Variants in ABR observed in about 807,000 individuals in gnomAD.
ABR encodes ABR activator of RhoGEF and GTPase, also known as active breakpoint cluster region-related protein.
In ABR, 35 loss-of-function variants were observed where a neutral mutation model predicts 107.2. The observed-to-expected ratio is 0.33, with a 90% CI of 0.25 to 0.43. The LOEUF (loss-of-function observed/expected upper bound fraction) is 0.43, where lower values mean the gene tolerates loss of function less well. Ranked by LOEUF, ABR falls within the 20% of genes least tolerant of loss-of-function variation. The pLI, the probability that ABR is intolerant of heterozygous loss-of-function variation, is 1.00. For missense variants in ABR, 815 were observed against 1,115.2 expected, an observed-to-expected ratio of 0.73 and a Z score of 3.83; for synonymous variants, 498 against 462.0, an observed-to-expected ratio of 1.08 and a Z score of -1.00.
At chr17:1,087,583 T>G (rs1419894477) in intron 4 of ABR, among the ~76,000 whole-genome samples, 1 of 136,572 alleles carries the variant, frequency 7.3e-6, no homozygotes, top group African/African-American at 2.8e-5. Flanking sequence ...GGCCTGACCT[T>G]AAAAGGGGGC....
intron 1 of ABR, among the ~76,000 whole-genome samples, chr17:1,143,776 C>T (rs960888632): frequency 3.4e-4 from 52 of 152,224 alleles, no homozygotes; most frequent in African/African-American, 1.3e-3. Flanking sequence ...ACAAAGGAAT[C>T]ATAGTTCTTG....
chr17:1,227,744 A>G (rs2043248514), intron 1 of ABR, among the ~76,000 whole-genome samples: 1 of 152,120 alleles, frequency 6.6e-6, no homozygotes, highest in African/African-American at 2.4e-5. Flanking sequence ...GTGGCTGAGG[A>G]GACCGTGACA....
chr17:1,181,571 G>A (rs900603649), upstream of ABR, among the ~76,000 whole-genome samples: 2 of 152,196 alleles, frequency 1.3e-5, no homozygotes, highest in Non-Finnish European at 2.9e-5. Context: ...GGCCAAGCAG[G>A]CACCTGGAGC....
intron 2 of ABR, among the ~76,000 whole-genome samples, chr17:1,104,981 T>C (rs1411793136): frequency 6.7e-6 from 1 of 149,908 alleles, no homozygotes; most frequent in Non-Finnish European, 1.5e-5. Flanking sequence ...TATTCTTTAC[T>C]CAATATTGTT....
intron 6 of ABR, chr17:1,079,034 G>A (rs2035982998): frequency 6.9e-7 from 1 of 1,442,348 alleles, no homozygotes; most frequent in East Asian, 2.5e-5. Context: ...CGCGTGGCGA[G>A]GAGAGGAGGG....
chr17:1,185,422 G>GTGGA (rs1567873277), intron 1 of ABR, among the ~76,000 whole-genome samples: 1 of 151,940 alleles, frequency 6.6e-6, no homozygotes, highest in Non-Finnish European at 1.5e-5. Flanking sequence ...AGGCCAGCGG[G>GTGGA]TCACCTGAGG....
intron 1 of ABR, among the ~76,000 whole-genome samples, chr17:1,135,829 T>C (rs924613487): frequency 1.3e-5 from 2 of 152,106 alleles, no homozygotes; most frequent in Admixed American, 6.5e-5. Context: ...TGAGGCAAGA[T>C]TGGGCCACTG....
At chr17:1,073,755 C>T (rs1346983716) in intron 6 of ABR, 78 bp from the exon 7 acceptor site, 2 of 1,326,050 alleles carry the variant, frequency 1.5e-6, no homozygotes, top group Non-Finnish European at 2.1e-6. Flanking sequence ...CAGCTTCGTC[C>T]CCCCACCCGC....
At chr17:1,128,275 G>A (rs995689159) in intron 1 of ABR, among the ~76,000 whole-genome samples, 2 of 152,240 alleles carry the variant, frequency 1.3e-5, no homozygotes, top group African/African-American at 4.8e-5. Flanking sequence ...GAGGAAGATG[G>A]GGACCTACTG....
At chr17:1,073,476 A>G (rs1016703524) in intron 7 of ABR, 149 bp downstream of exon 7, 28 of 576,656 alleles carry the variant, frequency 4.9e-5, no homozygotes, top group Non-Finnish European at 6.7e-5. Context: ...CGGCATGGAT[A>G]CCGCGGGCCA....
chr17:1,079,415 T>C (rs368134589), intron 5 of ABR, 25 bp from the exon 6 acceptor site: 46 of 1,603,414 alleles, frequency 2.9e-5, no homozygotes, highest in South Asian at 1.1e-5. Flanking sequence ...AGAGGAGTCA[T>C]GGCCTGTTCT....
At chr17:1,076,652 A>G (rs2035734120) in intron 6 of ABR, among the ~76,000 whole-genome samples, 1 of 143,924 alleles carries the variant, frequency 6.9e-6, no homozygotes, top group South Asian at 2.2e-4. Context: ...GGTCACCTCC[A>G]GAGTCCACCT....
chr17:1,179,949 C>G lies in ABR; in HGVS notation c.-222G>C, dbSNP rs1231010733. On this transcript the variant is annotated 5_prime_UTR_variant, in exon 1 of 23. Transcript: ENST00000302538. This position sits in a 1 kb window ranked among gnomAD's most constrained non-coding sequence, Gnocchi z 4.9. Reference sequence around the variant, plus strand: ...ACCCTCCCGGCCCCAGCGGCCGCGCCGAGCCCAGCTGCGGATCCCGGAACC... The same window carrying G: ...ACCCTCCCGGCCCCAGCGGCCGCGCGGAGCCCAGCTGCGGATCCCGGAACC... 2.0e-4 allele frequency: 57 copies of G among 292,122 alleles called. No individual in the cohort carries two copies. The East Asian group carries it at 2.9e-3, about 15-fold the overall frequency. The allele number at this position is 292,122 out of a possible 1,614,324, so 18.1% of individuals were successfully genotyped here.
At chr17:1,067,914 TTTATTA>T in intron 9 of ABR, among the ~76,000 whole-genome samples, 1 of 152,336 alleles carries the variant, frequency 6.6e-6, no homozygotes, top group Non-Finnish European at 1.5e-5. Flanking sequence ...AGTCATGTCC[TTTATTA>T]TTATTATTTT....
chr17:1,015,273 C>T lies in ABR; in HGVS notation c.1792-2109G>A, dbSNP rs192113712. Among the ~76,000 whole-genome samples the T allele has an allele frequency of 2.7e-3, 404 of 151,644 alleles. 1 individual carries two copies. Among genetic ancestry groups the T allele is most frequent in the African/African-American group, 9.0e-3 (371 of 41,390 alleles). Reference sequence around the variant, plus strand: ...CTCTACTAAAAATACAAAAGTGAGCCGGGTGTGGTGGCGGGCACTGTAGTC... The same window carrying T: ...CTCTACTAAAAATACAAAAGTGAGCTGGGTGTGGTGGCGGGCACTGTAGTC... On this transcript the variant is annotated intron_variant, in intron 16 of 22. Transcript: ENST00000302538.
chr17:1,064,906 G>T (rs56384587), intron 10 of ABR, among the ~76,000 whole-genome samples: 1 of 39,070 alleles, frequency 2.6e-5, no homozygotes. Flanking sequence ...TGAGGGCTAT[G>T]CATGTTCCTC....
chr17:1,217,654 C>T (rs1048685459), intron 1 of ABR, among the ~76,000 whole-genome samples: 17 of 152,148 alleles, frequency 1.1e-4, no homozygotes, highest in African/African-American at 4.1e-4. Context: ...AGCCGTGAAT[C>T]GAACCCAGGC....
intron 16 of ABR, among the ~76,000 whole-genome samples, chr17:1,029,517 G>C (rs558879905): frequency 6.6e-6 from 1 of 152,288 alleles, no homozygotes; most frequent in East Asian, 1.9e-4. Context: ...AGGGCCACCG[G>C]TGTTTCTCGC....
In ABR at chr17:1,005,968, G is replaced by GA; in HGVS notation, c.*111dup. The GA allele has an allele frequency of 1.0e-6, 1 of 995,608 alleles. No homozygotes were observed. The highest frequency in any genetic ancestry group is 1.5e-6 in the Non-Finnish European group (1 of 652,900). The allele number at this position is 995,608 out of a possible 1,614,324, so 61.7% of individuals were successfully genotyped here. A position where few individuals can be genotyped will look rare whatever the true frequency, so the allele number is the denominator to read the frequency against. On this transcript the variant is annotated 3_prime_UTR_variant, in exon 23 of 23. Transcript: ENST00000302538. Reference sequence around the variant, plus strand: ...CAGTTCTTGGAAGCTGGCTTCCCTCGAGTCTGGAGTGCTGGGTTTGGGAGT... The same window carrying GA: ...CAGTTCTTGGAAGCTGGCTTCCCTCGAAGTCTGGAGTGCTGGGTTTGGGAGT...
Sources: gnomAD v4.1 joint callset for allele counts (sites outside exome capture counted in the v4.1 genomes callset) on GRCh38, gnomAD v4.1.1 for gene constraint, Gnocchi (gnomAD v3.1) non-coding constraint, MANE v1.5 for transcripts, NCBI Gene and HGNC (gene_info 2026-07-23, HGNC 2026-07-21) for gene names.